The following ADK variants were observed in gnomAD, a reference collection of about 807,000 sequenced individuals.
ADK encodes N6,N6-dimethyladenosine kinase.
A neutral mutation model predicts 44.7 loss-of-function variants in ADK; 24 were observed. That is an observed-to-expected ratio of 0.54 (90% CI 0.39 to 0.76). The LOEUF (loss-of-function observed/expected upper bound fraction) is 0.76. Among genes scored for constraint, ADK ranks in the 30% least tolerant of loss-of-function variants. The pLI is 0.00. For synonymous variants in ADK, 128 were observed against 142.6 expected (o/e 0.90, Z 0.73); for missense variants, 321 against 425.1 (o/e 0.76, Z 2.15).
intron 7 of ADK, among the ~76,000 whole-genome samples, chr10:74,581,711 A>C (rs1851379944): frequency 1.3e-5 from 2 of 152,208 alleles, no homozygotes; most frequent in African/African-American, 4.8e-5. Context: ...AATGCATTAC[A>C]TACAGAGAAA....
intron 6 of ADK, among the ~76,000 whole-genome samples, chr10:74,494,723 C>T (rs531987917): frequency 6.6e-6 from 1 of 152,092 alleles, no homozygotes; most frequent in Non-Finnish European, 1.5e-5. Context: ...AGTGCAGTGG[C>T]ATGATCTCAG....
chr10:74,203,951 C>CTTTTTTTT (rs760810639), intron 2 of ADK, among the ~76,000 whole-genome samples: 3 of 95,828 alleles, frequency 3.1e-5, no homozygotes, highest in East Asian at 3.0e-4. Context: ...TTATTTAGGT[C>CTTTTTTTT]TTTTTTTTTT....
At chr10:74,402,616 A>G (rs1843758318) in intron 6 of ADK, among the ~76,000 whole-genome samples, 1 of 152,098 alleles carries the variant, frequency 6.6e-6, no homozygotes, top group Non-Finnish European at 1.5e-5. Context: ...GGTCTTATCC[A>G]TGCTGTTTAT....
At chr10:74,578,439 A>G (rs967375423) in intron 7 of ADK, among the ~76,000 whole-genome samples, 1 of 152,142 alleles carries the variant, frequency 6.6e-6, no homozygotes, top group Non-Finnish European at 1.5e-5. Context: ...AGCCTAGCAA[A>G]CATTTTTTTT....
intron 10 of ADK, among the ~76,000 whole-genome samples, chr10:74,695,510 GTGTATATATGTATA>G (rs1386795855): frequency 3.9e-4 from 59 of 150,518 alleles, no homozygotes; most frequent in Non-Finnish European, 6.8e-4. Flanking sequence ...GTGTGTATGT[GTGTATATATGTATA>G]TGTATATATG....
At chr10:74,189,783 A>G (rs1205469383) in intron 1 of ADK, among the ~76,000 whole-genome samples, 1 of 152,130 alleles carries the variant, frequency 6.6e-6, no homozygotes, top group African/African-American at 2.4e-5. Flanking sequence ...CCTGGCAACC[A>G]CTAATCTACC....
intron 4 of ADK, among the ~76,000 whole-genome samples, chr10:74,361,155 C>T (rs572464357): frequency 5.9e-5 from 9 of 152,344 alleles, no homozygotes; most frequent in Middle Eastern, 3.4e-3. Context: ...CCACCCGCCT[C>T]GGCCTCCCAA....
chr10:74,212,883 T>A (rs2132197749), intron 2 of ADK, among the ~76,000 whole-genome samples: 1 of 20,656 alleles, frequency 4.8e-5, no homozygotes. Context: ...TTGATTGATT[T>A]AATGAAGAGG....
At chr10:74,560,272 A>G (rs1465848453) in intron 7 of ADK, among the ~76,000 whole-genome samples, 1 of 152,114 alleles carries the variant, frequency 6.6e-6, no homozygotes, top group Non-Finnish European at 1.5e-5. Context: ...TTTTTCTATT[A>G]GTATTTAGTC....
chr10:74,433,058 C>G (rs562617926), intron 6 of ADK, among the ~76,000 whole-genome samples: 1 of 152,240 alleles, frequency 6.6e-6, no homozygotes, highest in African/African-American at 2.4e-5. Flanking sequence ...GCCTTTGGCT[C>G]TATGCATGCA....
intron 3 of ADK, among the ~76,000 whole-genome samples, chr10:74,229,698 G>T (rs1192164001): frequency 6.6e-6 from 1 of 151,950 alleles, no homozygotes; most frequent in Non-Finnish European, 1.5e-5. Flanking sequence ...CGCCCGGTCT[G>T]GTATGCTCTT....
chr10:74,671,731 C>T (rs1855195068), intron 10 of ADK, among the ~76,000 whole-genome samples: 1 of 152,152 alleles, frequency 6.6e-6, no homozygotes, highest in African/African-American at 2.4e-5. Context: ...AGTCTAGAAA[C>T]TTTTAAACTT....
At chr10:74,628,888 C>T (rs1392602011) in intron 9 of ADK, among the ~76,000 whole-genome samples, 2 of 152,136 alleles carry the variant, frequency 1.3e-5, no homozygotes, top group Admixed American at 6.5e-5. Context: ...GATAATCAGT[C>T]ATAGCTAAAG....
chr10:74,166,275 A>G (rs1292124542), intron 1 of ADK, among the ~76,000 whole-genome samples: 1 of 152,104 alleles, frequency 6.6e-6, no homozygotes, highest in East Asian at 1.9e-4. Context: ...CTTTAGACAA[A>G]CCAATTTTGC....
rs1564642239 is a variant in ADK, at chr10:74,302,101, G to GT, written c.195-12563dup. Among the ~76,000 whole-genome samples, 47 of 11,690 alleles carry GT rather than the reference G, an allele frequency of 4.0e-3. 6 individuals are homozygous for GT. The highest frequency in any genetic ancestry group is 0.013 in the African/African-American group (45 of 3,528). The allele number at this position is 11,690 out of a possible 152,430, so 7.7% of individuals were successfully genotyped here. A position where few individuals can be genotyped will look rare whatever the true frequency, so the allele number is the denominator to read the frequency against. On this transcript the variant is annotated intron_variant, in intron 3 of 10. Coordinates refer to ENST00000539909, the MANE Select transcript of ADK (RefSeq NM_006721.4). ...TTCTTTTCTTTTCTGTTTTTTTTTT[G>GT]TTTGTTTGTTTTTTTTTTTTTTTTT...
At chr10:74,586,623 G>A (rs181702892) in intron 7 of ADK, among the ~76,000 whole-genome samples, 1,680 of 152,222 alleles carry the variant, frequency 0.011, 30 homozygotes, top group African/African-American at 0.038. Flanking sequence ...GAAGGCCAAG[G>A]CAGGTGGATC....
chr10:74,494,976 A>C (rs1012018493), intron 6 of ADK, among the ~76,000 whole-genome samples: 6 of 152,158 alleles, frequency 3.9e-5, no homozygotes, highest in Non-Finnish European at 7.3e-5. Context: ...CTAGTGAGAA[A>C]ATTTATTTTC....
intron 6 of ADK, among the ~76,000 whole-genome samples, chr10:74,463,672 G>A (rs924694030): frequency 1.3e-5 from 2 of 152,152 alleles, no homozygotes; most frequent in African/African-American, 4.8e-5. Flanking sequence ...GGGGACCCTT[G>A]TTTTATACAA....
chr10:74,243,945 T>C (rs1237304041), intron 3 of ADK, among the ~76,000 whole-genome samples: 2 of 152,200 alleles, frequency 1.3e-5, no homozygotes, highest in African/African-American at 4.8e-5. Context: ...ACTGTATAGA[T>C]GTATTACCTG....
Sources: gnomAD v4.1 joint callset for allele counts (sites outside exome capture counted in the v4.1 genomes callset) on GRCh38, gnomAD v4.1.1 for gene constraint, MANE v1.5 for transcripts, NCBI Gene and HGNC (gene_info 2026-07-23, HGNC 2026-07-21) for gene names.